The following SPOCK1 variants were observed in gnomAD, a reference collection of about 807,000 sequenced individuals.
SPOCK1 encodes the protein SPARC (osteonectin), cwcv and kazal like domains proteoglycan 1.
SPOCK1 carries 23 observed loss-of-function variants against 55.3 expected under a neutral mutation model. The observed-to-expected ratio is 0.42, with a 90% confidence interval of 0.30 to 0.59. The LOEUF is 0.59. Ranked by LOEUF, SPOCK1 falls within the 20% of genes least tolerant of loss-of-function variation. The probability of loss-of-function intolerance (pLI) is 0.22; values close to 1 mark genes in which losing one functional copy is unlikely to be tolerated. For synonymous variants in SPOCK1, 226 were observed against 221.0 expected, an observed-to-expected ratio of 1.02 and a Z score of -0.20; for missense variants, 499 against 552.5, an observed-to-expected ratio of 0.90 and a Z score of 0.97.
chr5:137,125,914 A>G (rs1019760982), intron 4 of SPOCK1, among the ~76,000 whole-genome samples: 1 of 152,316 alleles, frequency 6.6e-6, no homozygotes, highest in African/African-American at 2.4e-5. Context: ...CAGAAAGAAA[A>G]GGAGAGAGCT....
intron 4 of SPOCK1, among the ~76,000 whole-genome samples, chr5:137,137,105 G>A (rs919198453): frequency 6.6e-6 from 1 of 152,194 alleles, no homozygotes; most frequent in Non-Finnish European, 1.5e-5. Context: ...TTCTCTCACT[G>A]ACGTGCTCAC....
chr5:137,239,602 G>C (rs1326703152), intron 3 of SPOCK1, among the ~76,000 whole-genome samples: 1 of 152,126 alleles, frequency 6.6e-6, no homozygotes, highest in East Asian at 1.9e-4. Flanking sequence ...CAAGTGGATA[G>C]TGTCAGAATT....
chr5:136,988,191 G>A (rs1750879591), intron 8 of SPOCK1, among the ~76,000 whole-genome samples: 1 of 152,182 alleles, frequency 6.6e-6, no homozygotes, highest in Admixed American at 6.5e-5. Context: ...CCAAAGGGAG[G>A]AACAGACAGA....
chr5:137,476,802 G>C (rs1364468342), intron 2 of SPOCK1, among the ~76,000 whole-genome samples: 2 of 152,144 alleles, frequency 1.3e-5, no homozygotes, highest in Non-Finnish European at 2.9e-5. Context: ...GCAGGTGTCT[G>C]TAATCCCAGC....
At chr5:137,198,729 G>A (rs997040144) in intron 3 of SPOCK1, among the ~76,000 whole-genome samples, 3 of 152,020 alleles carry the variant, frequency 2.0e-5, no homozygotes, top group Non-Finnish European at 2.9e-5. Flanking sequence ...TTTGATTGGC[G>A]TGTTGTTTGA....
chr5:137,134,233 T>C (rs1169807779), intron 4 of SPOCK1, among the ~76,000 whole-genome samples: 11 of 152,226 alleles, frequency 7.2e-5, no homozygotes, highest in Admixed American at 7.2e-4. Flanking sequence ...GTAAGATTTC[T>C]CCTGCAAAGT....
rs180965473 is a variant in SPOCK1, at chr5:137,414,913, G to A, written c.186+83460C>T. 2.1e-4 allele frequency among the ~76,000 whole-genome samples: 31 copies of A among 147,574 alleles called. 1 individual carries two copies. The highest frequency in any genetic ancestry group is 7.6e-4 in the African/African-American group (30 of 39,636). On this transcript the variant is annotated intron_variant, in intron 2 of 10. Transcript: ENST00000394945. ...GAGGATATTACATCTTGTCCCTTAG[G>A]TGCTATATCTTTGCTGATCAAAGCT...
chr5:137,025,325 G>A (rs900547972), intron 6 of SPOCK1, among the ~76,000 whole-genome samples: 1 of 152,044 alleles, frequency 6.6e-6, no homozygotes, highest in African/African-American at 2.4e-5. Context: ...AAAAAGACTG[G>A]CAGCATCACA....
At chr5:137,462,532 G>A (rs896402972) in intron 2 of SPOCK1, among the ~76,000 whole-genome samples, 3 of 152,188 alleles carry the variant, frequency 2.0e-5, no homozygotes, top group Admixed American at 6.5e-5. Context: ...CCCCAGCTCC[G>A]CCACTTCTCA....
At chr5:137,119,788 G>C (rs914371945) in intron 4 of SPOCK1, among the ~76,000 whole-genome samples, 1 of 152,188 alleles carries the variant, frequency 6.6e-6, no homozygotes, top group Non-Finnish European at 1.5e-5. Context: ...CATTTACTGA[G>C]CTGCCTTATA....
chr5:137,328,902 T>TA (rs1240663540), intron 2 of SPOCK1, among the ~76,000 whole-genome samples: 2 of 152,176 alleles, frequency 1.3e-5, no homozygotes, highest in Non-Finnish European at 2.9e-5. Flanking sequence ...AAATGGTATA[T>TA]AAAGTCAGAA....
chr5:136,992,651 C>G, intron 6 of SPOCK1, 51 bp from the exon 7 acceptor site: 1 of 1,462,548 alleles, frequency 6.8e-7, no homozygotes, highest in African/African-American at 1.4e-5. Flanking sequence ...TTTCTGCCTT[C>G]TGTGTGCAGG....
chr5:137,199,176 G>GGTC (rs1305144214), intron 3 of SPOCK1, among the ~76,000 whole-genome samples: 2 of 152,200 alleles, frequency 1.3e-5, no homozygotes, highest in Non-Finnish European at 2.9e-5. Flanking sequence ...TGACCCAGGA[G>GGTC]AACACAGGGT....
intron 6 of SPOCK1, among the ~76,000 whole-genome samples, chr5:137,005,373 G>C (rs1751227791): frequency 6.7e-6 from 1 of 148,334 alleles, no homozygotes; most frequent in Non-Finnish European, 1.5e-5. Flanking sequence ...AGTTACAAAA[G>C]AGCAGCATTG....
At chr5:137,011,837 T>C (rs1278447889) in intron 6 of SPOCK1, among the ~76,000 whole-genome samples, 1 of 152,158 alleles carries the variant, frequency 6.6e-6, no homozygotes, top group South Asian at 2.1e-4. Flanking sequence ...AGGGGTCCAC[T>C]AGCTTGCAGT....
chr5:137,175,364 T>G (rs1194204819), intron 3 of SPOCK1, among the ~76,000 whole-genome samples: 1 of 152,208 alleles, frequency 6.6e-6, no homozygotes, highest in African/African-American at 2.4e-5. Flanking sequence ...TGATTAGAGC[T>G]GATTCAACCC....
At chr5:136,979,602 G>T (rs1273090897) in intron 9 of SPOCK1, 133 bp from the exon 10 acceptor site, 3 of 1,196,536 alleles carry the variant, frequency 2.5e-6, no homozygotes, top group African/African-American at 1.5e-5. Flanking sequence ...GATGGGGATG[G>T]TTGGCTATTA....
intron 2 of SPOCK1, among the ~76,000 whole-genome samples, chr5:137,439,154 A>T (rs1171716211): frequency 6.6e-6 from 1 of 152,218 alleles, no homozygotes; most frequent in Non-Finnish European, 1.5e-5. Context: ...CAGGAGATGA[A>T]GAGACAGAGG....
In SPOCK1 at chr5:137,352,779, G is replaced by T. The variant is rs143645346; in HGVS notation, c.187-85724C>A. Among the ~76,000 whole-genome samples, 309 of 152,302 alleles carry T rather than the reference G, an allele frequency of 2.0e-3. 1 individual carries two copies. The highest frequency in any genetic ancestry group is 6.7e-3 in the African/African-American group (279 of 41,568). Reference sequence around the variant, plus strand: ...GACCTTGATAAGCTATAGCTAAGGAGAATTTGTCATCTCTTGTAAATGCTA... The same window carrying T: ...GACCTTGATAAGCTATAGCTAAGGATAATTTGTCATCTCTTGTAAATGCTA... On this transcript the variant is annotated intron_variant, in intron 2 of 10. Coordinates refer to ENST00000394945, the MANE Select transcript of SPOCK1 (RefSeq NM_004598.4).
Sources: allele counts gnomAD v4.1 joint callset (sites outside exome capture counted in the v4.1 genomes callset), GRCh38; gene constraint gnomAD v4.1.1; transcripts MANE v1.5; gene names NCBI Gene and HGNC (gene_info 2026-07-23, HGNC 2026-07-21).